The following RNGTT variants were observed in gnomAD, a reference collection of about 807,000 sequenced individuals.
RNGTT encodes RNA guanylyltransferase and 5'-phosphatase.
Under a neutral mutation model 79.3 loss-of-function variants are expected in RNGTT, and 33 were observed. The ratio of observed to expected loss-of-function variants is 0.42; its 90% confidence interval spans 0.32 to 0.56. The LOEUF (loss-of-function observed/expected upper bound fraction) is 0.56. Ranked by LOEUF, RNGTT falls within the 20% of genes least tolerant of loss-of-function variation. The probability of loss-of-function intolerance (pLI) is 0.17; values close to 1 mark genes in which losing one functional copy is unlikely to be tolerated. For missense variants in RNGTT, 497 were observed against 739.1 expected, an observed-to-expected ratio of 0.67 and a Z score of 3.80; for synonymous variants, 222 against 235.9, an observed-to-expected ratio of 0.94 and a Z score of 0.54.
Position 88,696,824 on chromosome 6 carries a change from A to T in RNGTT, c.1440-18405T>A, listed in dbSNP as rs181351433. On this transcript the variant is annotated intron_variant, in intron 13 of 15. Coordinates refer to ENST00000369485, the MANE Select transcript of RNGTT (RefSeq NM_003800.5). Reference sequence around the variant, plus strand: ...TCCCCTGGGAAAATGTAAGAACATTATGTTAGGAAGCCGTTTCTGCAGAAA... The same window carrying T: ...TCCCCTGGGAAAATGTAAGAACATTTTGTTAGGAAGCCGTTTCTGCAGAAA... Among the ~76,000 whole-genome samples, 294 of 152,258 alleles carry T rather than the reference A, an allele frequency of 1.9e-3. 4 individuals are homozygous for T. The highest frequency in any genetic ancestry group is 6.9e-3 in the African/African-American group (288 of 41,550).
chr6:88,716,752 ATG>A (rs1238330627), intron 13 of RNGTT, among the ~76,000 whole-genome samples: 1 of 152,066 alleles, frequency 6.6e-6, no homozygotes, highest in Non-Finnish European at 1.5e-5. Context: ...TCACTCATAG[ATG>A]GGAACTGAAC....
chr6:88,762,036 A>G (rs1157629558), intron 13 of RNGTT, among the ~76,000 whole-genome samples: 9 of 152,174 alleles, frequency 5.9e-5, no homozygotes, highest in African/African-American at 2.2e-4. Context: ...GGGGATTACC[A>G]GACACTTACT....
At chr6:88,816,336 C>A (rs978227138) in intron 11 of RNGTT, among the ~76,000 whole-genome samples, 4 of 152,138 alleles carry the variant, frequency 2.6e-5, no homozygotes, top group Non-Finnish European at 4.4e-5. Flanking sequence ...GAGTTACAAT[C>A]TTCTCATGAG....
At chr6:88,684,063 G>A (rs1407734139) in intron 13 of RNGTT, among the ~76,000 whole-genome samples, 2 of 152,098 alleles carry the variant, frequency 1.3e-5, no homozygotes, top group Non-Finnish European at 2.9e-5. Flanking sequence ...ATTTAAAAAT[G>A]AGCAAAAGAC....
chr6:88,688,554 T>C (rs1443877130), intron 13 of RNGTT, among the ~76,000 whole-genome samples: 1 of 151,950 alleles, frequency 6.6e-6, no homozygotes, highest in African/African-American at 2.4e-5. Context: ...GGAAAGAAAA[T>C]AGAAGATTCT....
intron 14 of RNGTT, among the ~76,000 whole-genome samples, chr6:88,636,601 TTAA>T (rs1482525536): frequency 4.6e-5 from 7 of 151,830 alleles, no homozygotes; most frequent in Non-Finnish European, 8.8e-5. Context: ...CAAATAATTA[TTAA>T]TGATGGTATT....
At chr6:88,862,801 C>CTTTTTTTTTT (rs1248456648) in intron 8 of RNGTT, among the ~76,000 whole-genome samples, 1 of 152,134 alleles carries the variant, frequency 6.6e-6, no homozygotes, top group Admixed American at 6.5e-5. Flanking sequence ...CATTTTTTGA[C>CTTTTTTTTTT]TTTTTACTGC....
At chr6:88,639,844 T>C (rs1030036827) in intron 14 of RNGTT, among the ~76,000 whole-genome samples, 1 of 152,214 alleles carries the variant, frequency 6.6e-6, no homozygotes, top group Non-Finnish European at 1.5e-5. Context: ...ATTTATTCAT[T>C]TGTTTTCTCT....
intron 1 of RNGTT, among the ~76,000 whole-genome samples, chr6:88,946,702 G>C (rs187771692): frequency 1.9e-4 from 28 of 150,936 alleles, no homozygotes; most frequent in African/African-American, 6.6e-4. Context: ...CCTCTCATGC[G>C]GAGCCGAAGC....
intron 13 of RNGTT, among the ~76,000 whole-genome samples, chr6:88,707,252 A>G (rs1354733961): frequency 6.6e-6 from 1 of 152,166 alleles, no homozygotes; most frequent in East Asian, 1.9e-4. Flanking sequence ...AGAAACAAGA[A>G]GTCCAAAAGA....
At chr6:88,710,114 G>A (rs986748407) in intron 13 of RNGTT, among the ~76,000 whole-genome samples, 4 of 152,174 alleles carry the variant, frequency 2.6e-5, no homozygotes, top group Admixed American at 6.5e-5. Flanking sequence ...GAACTTTGGA[G>A]CTGGGTGCAG....
chr6:88,817,381 C>A (rs1780345177), intron 11 of RNGTT, among the ~76,000 whole-genome samples: 5 of 151,262 alleles, frequency 3.3e-5, no homozygotes, highest in Admixed American at 3.3e-4. Context: ...GTGGCTTACA[C>A]CTGTAATCCA....
intron 13 of RNGTT, among the ~76,000 whole-genome samples, chr6:88,723,162 G>A (rs1776762065): frequency 6.6e-6 from 1 of 152,148 alleles, no homozygotes. Context: ...TGTGTTACTG[G>A]CCCTGAAGAC....
chr6:88,764,376 A>G lies in RNGTT; in HGVS notation c.1439+5398T>C, dbSNP rs959745193. Reference sequence around the variant, plus strand: ...ACAACAAATGTAGATGCTAGGTCTGAGTTCAACCTCAAAGCTCTAGGAAAT... The same window carrying G: ...ACAACAAATGTAGATGCTAGGTCTGGGTTCAACCTCAAAGCTCTAGGAAAT... On this transcript the variant is annotated intron_variant, in intron 13 of 15. Coordinates refer to ENST00000369485, the MANE Select transcript of RNGTT (RefSeq NM_003800.5). Among the ~76,000 whole-genome samples the G allele has an allele frequency of 3.3e-5, 5 of 152,364 alleles. No homozygotes were observed. In the South Asian group the frequency reaches 8.3e-4, roughly 25 times the overall value.
intron 14 of RNGTT, chr6:88,677,899 A>C (rs1774936623): frequency 6.5e-6 from 1 of 152,954 alleles, no homozygotes; most frequent in South Asian, 2.0e-4. Flanking sequence ...GAATATTAAA[A>C]TAATCAATTC....
chr6:88,667,251 G>A (rs528399782), intron 14 of RNGTT, among the ~76,000 whole-genome samples: 1 of 152,316 alleles, frequency 6.6e-6, no homozygotes, highest in East Asian at 1.9e-4. Flanking sequence ...AAGGAAGGAT[G>A]GATCTGGTTA....
intron 1 of RNGTT, among the ~76,000 whole-genome samples, chr6:88,951,860 G>A (rs1028848423): frequency 6.6e-6 from 1 of 152,090 alleles, no homozygotes; most frequent in African/African-American, 2.4e-5. Context: ...GAGGGTCATG[G>A]GGGGAAAAAA....
intron 14 of RNGTT, among the ~76,000 whole-genome samples, chr6:88,616,662 T>G (rs887054576): frequency 1.3e-5 from 2 of 152,214 alleles, no homozygotes; most frequent in Non-Finnish European, 2.9e-5. Flanking sequence ...AATCTTTCCA[T>G]GTGCTTATTG....
Position 88,801,310 on chromosome 6 carries a change from C to T in RNGTT, c.1338+254G>A, listed in dbSNP as rs577563452. ...AAAGACTGGTTTCTTTGAAATGTAA[C>T]GACCAAAAATGCTTATTTCTTAAGC... On this transcript the variant is annotated intron_variant, in intron 12 of 15. Coordinates refer to ENST00000369485, the MANE Select transcript of RNGTT (RefSeq NM_003800.5). Among the ~76,000 whole-genome samples the T allele has an allele frequency of 1.4e-4, 22 of 152,150 alleles. No homozygotes were observed. The East Asian group carries it at 1.9e-3, about 13-fold the overall frequency.
Sources: gnomAD v4.1 joint callset for allele counts (sites outside exome capture counted in the v4.1 genomes callset) on GRCh38, gnomAD v4.1.1 for gene constraint, MANE v1.5 for transcripts, NCBI Gene and HGNC (gene_info 2026-07-23, HGNC 2026-07-21) for gene names.